The following DKK2 variants were observed in gnomAD, a reference collection of about 807,000 sequenced individuals.
DKK2 encodes dickkopf-related protein 2.
In DKK2, 11 loss-of-function variants were observed where a neutral mutation model predicts 28.1. The observed-to-expected ratio is 0.39, with a 90% CI of 0.25 to 0.65. The LOEUF (loss-of-function observed/expected upper bound fraction) is 0.65, where lower values mean the gene tolerates loss of function less well. DKK2 is among the 30% of genes least tolerant of loss of function. The pLI is 0.47. For synonymous variants in DKK2, 135 were observed against 126.5 expected, an observed-to-expected ratio of 1.07 and a Z score of -0.45; for missense variants, 326 against 335.5, an observed-to-expected ratio of 0.97 and a Z score of 0.22.
chr4:106,953,653 T>G (rs1164906031), intron 1 of DKK2, among the ~76,000 whole-genome samples: 2 of 152,152 alleles, frequency 1.3e-5, no homozygotes, highest in Non-Finnish European at 2.9e-5. Flanking sequence ...GAGAGAATAC[T>G]TTTTTTCTGT....
At chr4:106,992,428 C>G (rs1723218063) in intron 1 of DKK2, among the ~76,000 whole-genome samples, 1 of 152,178 alleles carries the variant, frequency 6.6e-6, no homozygotes, top group Admixed American at 6.5e-5. Flanking sequence ...CTTCCCACCT[C>G]TTGGCCATTG....
At chr4:106,980,856 C>T (rs1723016910) in intron 1 of DKK2, among the ~76,000 whole-genome samples, 1 of 152,130 alleles carries the variant, frequency 6.6e-6, no homozygotes, top group South Asian at 2.1e-4. Context: ...TAGTCCAATC[C>T]ACCAAAAGTT....
In DKK2 at chr4:106,927,976, C is replaced by CT. The variant is rs1265599890; in HGVS notation, c.223-2028_223-2027insA. 2.0e-5 allele frequency among the ~76,000 whole-genome samples: 3 copies of CT among 152,234 alleles called. No individual in the cohort carries two copies. In the East Asian group the frequency reaches 5.8e-4, roughly 29 times the overall value. On this transcript the variant is annotated intron_variant, in intron 1 of 3. Transcript: ENST00000285311. ...TCTGAGTATAGGATAATCCTGGATT[C>CT]CATCCCCCCAAAATAGTCCACAGGA...
intron 1 of DKK2, among the ~76,000 whole-genome samples, chr4:107,000,716 A>G (rs1723347501): frequency 6.6e-6 from 1 of 152,202 alleles, no homozygotes; most frequent in African/African-American, 2.4e-5. Context: ...ATGGTCCTTT[A>G]CATGCCAGGC....
chr4:106,988,445 G>A (rs1723157294), intron 1 of DKK2, among the ~76,000 whole-genome samples: 1 of 152,154 alleles, frequency 6.6e-6, no homozygotes, highest in Non-Finnish European at 1.5e-5. Context: ...TAATCAGACA[G>A]TATTTATTAT....
intron 1 of DKK2, among the ~76,000 whole-genome samples, chr4:106,974,127 T>C (rs1722907620): frequency 6.6e-6 from 1 of 152,212 alleles, no homozygotes; most frequent in South Asian, 2.1e-4. Flanking sequence ...AGTACCATGC[T>C]GTTTTGGTTA....
chr4:107,011,708 T>TGG (rs1202765266), intron 1 of DKK2, among the ~76,000 whole-genome samples: 9 of 151,424 alleles, frequency 5.9e-5, no homozygotes, highest in Non-Finnish European at 1.0e-4. Flanking sequence ...TGTGTGTGTG[T>TGG]GTGTGGGTGT....
chr4:107,026,166 G>C (rs1220975234), intron 1 of DKK2, among the ~76,000 whole-genome samples: 1 of 152,112 alleles, frequency 6.6e-6, no homozygotes, highest in Non-Finnish European at 1.5e-5. Context: ...GAAACTTTTA[G>C]ATAATAAAGT....
chr4:106,987,559 C>T (rs575850436), intron 1 of DKK2, among the ~76,000 whole-genome samples: 119 of 151,912 alleles, frequency 7.8e-4, no homozygotes, highest in African/African-American at 2.1e-3. Context: ...AGGAAAGGGA[C>T]GCAGGATCCC....
chr4:107,034,846 C>A (rs1723937844), intron 1 of DKK2, among the ~76,000 whole-genome samples: 1 of 152,066 alleles, frequency 6.6e-6, no homozygotes, highest in South Asian at 2.1e-4. Flanking sequence ...GACTGAAATC[C>A]CTCTCTGCCA....
intron 1 of DKK2, among the ~76,000 whole-genome samples, chr4:106,965,858 T>C (rs978574759): frequency 1.3e-5 from 2 of 149,796 alleles, no homozygotes; most frequent in East Asian, 4.0e-4. Context: ...TGGTTTTTTG[T>C]TCTTGCGATA....
intron 1 of DKK2, among the ~76,000 whole-genome samples, chr4:106,947,556 C>T (rs944626891): frequency 2.0e-5 from 3 of 152,040 alleles, no homozygotes; most frequent in African/African-American, 7.2e-5. Context: ...CCCATAAACT[C>T]ATATCTGTAC....
rs968594315 is a variant in DKK2, at chr4:106,923,772, T to A, written c.*182A>T. On this transcript the variant is annotated 3_prime_UTR_variant, in exon 4 of 4. Coordinates refer to ENST00000285311, the MANE Select transcript of DKK2 (RefSeq NM_014421.3). ...AATGGAAACACTGGCTGCACTGCAT[T>A]TGTCACCCATTCTAATCTATTCAGT... 1 of 786,448 alleles carries A rather than the reference T, an allele frequency of 1.3e-6. No homozygotes were observed. The highest frequency in any genetic ancestry group is 2.0e-6 in the Non-Finnish European group (1 of 510,848). The allele number at this position is 786,448 out of a possible 1,614,324, so 48.7% of individuals were successfully genotyped here.
At chr4:106,934,774 G>A (rs1724554065) in intron 1 of DKK2, among the ~76,000 whole-genome samples, 2 of 152,220 alleles carry the variant, frequency 1.3e-5, no homozygotes, top group East Asian at 3.9e-4. Flanking sequence ...TTCATGGTTG[G>A]GAAGATAGAA....
At chr4:107,002,340 G>T in intron 1 of DKK2, among the ~76,000 whole-genome samples, 1 of 152,106 alleles carries the variant, frequency 6.6e-6, no homozygotes, top group South Asian at 2.1e-4. Flanking sequence ...CAGACCTATT[G>T]GTTGTTTCTG....
chr4:107,009,412 G>A (rs138065880), intron 1 of DKK2, among the ~76,000 whole-genome samples: 2 of 152,066 alleles, frequency 1.3e-5, no homozygotes, highest in East Asian at 3.9e-4. Flanking sequence ...AGCCGAGTGA[G>A]CTTGGAAAGA....
chr4:107,015,454 G>C (rs1324808379), intron 1 of DKK2, among the ~76,000 whole-genome samples: 1 of 151,470 alleles, frequency 6.6e-6, no homozygotes, highest in Non-Finnish European at 1.5e-5. Flanking sequence ...ATTCTAAACA[G>C]GAATCTTTAG....
chr4:107,013,871 T>A (rs978032063), intron 1 of DKK2, among the ~76,000 whole-genome samples: 1 of 151,490 alleles, frequency 6.6e-6, no homozygotes, highest in African/African-American at 2.4e-5. Context: ...CATTTAAAAA[T>A]GGGCAAAAGA....
At chr4:106,967,908 T>C (rs895383026) in intron 1 of DKK2, among the ~76,000 whole-genome samples, 1 of 141,660 alleles carries the variant, frequency 7.1e-6, no homozygotes, top group Non-Finnish European at 1.5e-5. Flanking sequence ...GAGAGGCAGG[T>C]TAAGGGATGG....
Sources: gnomAD v4.1 joint callset for allele counts (sites outside exome capture counted in the v4.1 genomes callset) on GRCh38, gnomAD v4.1.1 for gene constraint, MANE v1.5 for transcripts, NCBI Gene and HGNC (gene_info 2026-07-23, HGNC 2026-07-21) for gene names.